Variants in MASP1 observed in about 807,000 individuals in gnomAD.
MASP1 encodes mannan-binding lectin serine protease 1.
Under a neutral mutation model 77.1 loss-of-function variants are expected in MASP1, and 59 were observed. That is an observed-to-expected ratio of 0.77 (90% CI 0.62 to 0.95). MASP1 has a LOEUF of 0.95. MASP1 is among the 40% of genes least tolerant of loss of function. The probability of loss-of-function intolerance (pLI) is 0.00; values close to 1 mark genes in which losing one functional copy is unlikely to be tolerated. For synonymous variants in MASP1, 362 were observed against 354.5 expected, an observed-to-expected ratio of 1.02 and a Z score of -0.24; for missense variants, 885 against 912.9, an observed-to-expected ratio of 0.97 and a Z score of 0.39.
rs773549031 is a variant in MASP1, at chr3:187,236,049, T to A, written c.1822A>T (p.Ser608Cys). ...ACATCTGACAAGGTCCGTGTGCCAC[T>A]GCTGATGATCTCATCCACTGTCACA... ...PNVTVDEIIS[S>C]GTRTLSDVLQ... The change falls in exon 11 of 11, where the codon AGT (serine) becomes TGT (cysteine). Residue 608 changes from serine to cysteine, a missense_variant. Transcript: ENST00000296280. The A allele has an allele frequency of 6.2e-7, 1 of 1,614,178 alleles. No individual in the cohort carries two copies. The highest frequency in any genetic ancestry group is 8.5e-7 in the Non-Finnish European group (1 of 1,180,046).
At chr3:187,284,623 C>T (rs1197296115) in intron 2 of MASP1, among the ~76,000 whole-genome samples, 1 of 152,166 alleles carries the variant, frequency 6.6e-6, no homozygotes, top group Admixed American at 6.5e-5. Context: ...CTTTGTATGC[C>T]TCTGCTGTAT....
rs556797876 is a variant in MASP1 at position 187,237,422 on chromosome 3, C to T, written c.1304-855G>A. Among the ~76,000 whole-genome samples, 3 of 152,368 alleles carry T rather than the reference C, an allele frequency of 2.0e-5. No individual in the cohort carries two copies. The South Asian group carries it at 6.2e-4, about 32-fold the overall frequency. ...GCCCTCAAACCTTTTCTTCTCTGTCCTAACAGAATCTTGCTATAAATTGAT... is the reference window on the plus strand; with the variant it reads ...GCCCTCAAACCTTTTCTTCTCTGTCTTAACAGAATCTTGCTATAAATTGAT... On this transcript the variant is annotated intron_variant, in intron 10 of 10. Transcript: ENST00000296280.
At position 187,253,276 on chromosome 3, in the gene MASP1, C is replaced by T. The variant is rs777974330; in HGVS notation, c.784G>A (p.Glu262Lys). 1.2e-6 allele frequency: 2 copies of T among 1,614,160 alleles called. No homozygotes were observed. Among genetic ancestry groups the T allele is most frequent in the East Asian group, 2.2e-5 (1 of 44,872 alleles). ...GTGCTGATGGGTTCTGGGGCTTTCT[C>T]TCCACAGAAAGGCCCCAAAACTTTT... Reference protein sequence around the residue: ...GPKVLGPFCGEKAPEPISTQS... With the variant: ...GPKVLGPFCGKKAPEPISTQS... The change falls in exon 6 of 11, where the codon GAG becomes AAG. Residue 262 changes from glutamate (E) to lysine (K), a missense_variant. Physicochemically the swap from Glu to Lys is moderately conservative, Grantham distance 56. Coordinates refer to ENST00000296280, the MANE Select transcript of MASP1 (RefSeq NM_139125.4).
downstream of MASP1, among the ~76,000 whole-genome samples, chr3:187,233,213 G>T (rs1451847627): frequency 6.6e-6 from 1 of 152,138 alleles, no homozygotes; most frequent in Non-Finnish European, 1.5e-5. Flanking sequence ...AAATTTTCCA[G>T]TGGGTGAGAC....
At chr3:187,285,692 A>C in intron 2 of MASP1, 133 bp downstream of exon 2, 1 of 764,968 alleles carries the variant, frequency 1.3e-6, no homozygotes, top group Non-Finnish European at 2.3e-6. Context: ...TTCCACCTTG[A>C]CCTGAATTCA....
intron 2 of MASP1, among the ~76,000 whole-genome samples, chr3:187,275,674 C>T (rs982929743): frequency 2.0e-5 from 3 of 152,100 alleles, no homozygotes; most frequent in African/African-American, 7.2e-5. Flanking sequence ...TCATTACTTC[C>T]TAATTATGTG....
intron 10 of MASP1, among the ~76,000 whole-genome samples, chr3:187,237,954 C>T (rs905629338): frequency 7.9e-5 from 12 of 152,194 alleles, no homozygotes; most frequent in African/African-American, 2.9e-4. Context: ...TTGCTTGATC[C>T]TGGGGCACCC....
chr3:187,285,998 CGGTGT>C lies in MASP1; in HGVS notation c.59_63del (p.His20ArgfsTer22). 1 of 1,614,182 alleles carries C rather than the reference CGGTGT, an allele frequency of 6.2e-7. No homozygotes were observed. Among genetic ancestry groups the C allele is most frequent in the Non-Finnish European group, 8.5e-7 (1 of 1,180,034 alleles). On this transcript the variant is annotated frameshift_variant, in exon 2 of 11. Coordinates refer to ENST00000296280, the MANE Select transcript of MASP1 (RefSeq NM_139125.4). LOFTEE classifies it high-confidence loss of function. ...TGGCCAAACATATTGTTTAGCTCCA[CGGTGT>C]GGGCTGAAGCCTTTGACAGGGAGAA...
At position 187,252,533 on chromosome 3, in the gene MASP1, T is replaced by C. The variant is rs531744809; in HGVS notation, c.892+635A>G. On this transcript the variant is annotated intron_variant, in intron 6 of 10. Coordinates refer to ENST00000296280, the MANE Select transcript of MASP1 (RefSeq NM_139125.4). The stretch of plus-strand genomic sequence containing the variant: ...TCTACTCTCCCGCATCTGAGCAGTG[T>C]ATGTGATAATGCAGGCAGGGCCAGA... Among the ~76,000 whole-genome samples, 33 of 152,310 alleles carry C rather than the reference T, an allele frequency of 2.2e-4. 1 individual carries two copies. The South Asian group carries it at 5.2e-3, about 24-fold the overall frequency.
intron 8 of MASP1, chr3:187,246,916 C>G (rs1714128054): frequency 5.7e-6 from 6 of 1,061,366 alleles, no homozygotes; most frequent in Non-Finnish European, 6.8e-6. Flanking sequence ...CATAAAGTCA[C>G]AGGCAGTCTG....
At chr3:187,254,709 G>A (rs1714924284) in intron 5 of MASP1, among the ~76,000 whole-genome samples, 1 of 152,156 alleles carries the variant, frequency 6.6e-6, no homozygotes, top group Non-Finnish European at 1.5e-5. Context: ...CTGAGCAGGA[G>A]GGAGGTGATG....
In MASP1 at chr3:187,226,452, G is replaced by A. The variant is rs775254504; in HGVS notation, c.1510C>T (p.Arg504Cys). 40 of 1,612,872 alleles carry A rather than the reference G, an allele frequency of 2.5e-5. No individual in the cohort carries two copies. Among genetic ancestry groups the A allele is most frequent in the Admixed American group, 5.0e-5 (3 of 59,906 alleles). Residue 504 changes from arginine (R) to cysteine (C), a missense_variant, in exon 12 of 16, where the codon CGT becomes TGT. By Grantham distance (180) the Arg-to-Cys change is radical. Coordinates refer to the MASP1 transcript ENST00000337774. ...GAAGGGCTGAGCAAGTCTGAATCACGTAGGGTCGGATCTTCCGGATCGAGT... is the reference window on the plus strand; with the variant it reads ...GAAGGGCTGAGCAAGTCTGAATCACATAGGGTCGGATCTTCCGGATCGAGT...
chr3:187,258,486 C>G (rs1560018259), intron 4 of MASP1, among the ~76,000 whole-genome samples: 1 of 152,194 alleles, frequency 6.6e-6, no homozygotes, highest in Non-Finnish European at 1.5e-5. Context: ...CACAGCTCCT[C>G]CTATAACCTG....
chr3:187,288,548 G>A (rs979161942), intron 1 of MASP1, among the ~76,000 whole-genome samples: 5 of 152,198 alleles, frequency 3.3e-5, no homozygotes, highest in East Asian at 1.9e-4. Flanking sequence ...TGCTATCAGC[G>A]TAAAGGAGGA....
chr3:187,282,377 G>A (rs3821809), intron 2 of MASP1, among the ~76,000 whole-genome samples: 8,536 of 148,352 alleles, frequency 0.058, 312 homozygotes, highest in East Asian at 0.13. Context: ...TGTGCCTGTC[G>A]TCCCAGCTGC....
At chr3:187,290,248 G>A (rs961919089) in intron 1 of MASP1, among the ~76,000 whole-genome samples, 1 of 152,188 alleles carries the variant, frequency 6.6e-6, no homozygotes, top group Admixed American at 6.5e-5. Context: ...TCTGGAATAT[G>A]GTGGTCAGGA....
intron 13 of MASP1, among the ~76,000 whole-genome samples, chr3:187,224,281 C>T (rs1278699532): frequency 6.6e-6 from 1 of 151,556 alleles, no homozygotes; most frequent in Non-Finnish European, 1.5e-5. Flanking sequence ...GGTTAAATAA[C>T]TTCCTGAAGA....
intron 13 of MASP1, among the ~76,000 whole-genome samples, chr3:187,224,630 G>A (rs1712295418): frequency 6.6e-6 from 1 of 152,058 alleles, no homozygotes; most frequent in Non-Finnish European, 1.5e-5. Flanking sequence ...ACAGGCGTGA[G>A]CCACCGCGCC....
intron 7 of MASP1, 84 bp from the exon 8 acceptor site, chr3:187,250,413 C>T (rs1714475213): frequency 1.1e-6 from 1 of 945,824 alleles, no homozygotes; most frequent in East Asian, 2.4e-5. Flanking sequence ...CCAACTCAAG[C>T]TCCACACGTG....
Sources: gnomAD v4.1 joint callset for allele counts (sites outside exome capture counted in the v4.1 genomes callset) on GRCh38, gnomAD v4.1.1 for gene constraint, MANE v1.5 for transcripts, NCBI Gene and HGNC (gene_info 2026-07-23, HGNC 2026-07-21) for gene names.